The following PKHD1 variants were observed in gnomAD, a reference collection of about 807,000 sequenced individuals.
The protein encoded by PKHD1 is fibrocystin.
Under a neutral mutation model 412.0 loss-of-function variants are expected in PKHD1, and 291 were observed. The observed-to-expected ratio is 0.71, with a 90% confidence interval of 0.64 to 0.78. The LOEUF is 0.78. PKHD1 is among the 30% of genes least tolerant of loss of function. The pLI is 0.00. For missense variants in PKHD1, 4,825 were observed against 4,950.7 expected (o/e 0.97, Z 0.76); for synonymous variants, 1,777 against 1,821.5 (o/e 0.98, Z 0.62).
intron 27 of PKHD1, among the ~76,000 whole-genome samples, chr6:52,042,542 T>C (rs1338561940): frequency 6.6e-6 from 1 of 152,176 alleles, no homozygotes; most frequent in Non-Finnish European, 1.5e-5. Flanking sequence ...ACTACTCAAA[T>C]GGCAATCAGT....
intron 35 of PKHD1, among the ~76,000 whole-genome samples, chr6:51,983,464 A>G (rs147709472): frequency 3.9e-5 from 6 of 152,336 alleles, no homozygotes; most frequent in African/African-American, 1.4e-4. Context: ...TGCTTCAAAC[A>G]GACAAAACAC....
At chr6:51,701,926 T>C (rs1582163915) in intron 60 of PKHD1, among the ~76,000 whole-genome samples, 1 of 151,576 alleles carries the variant, frequency 6.6e-6, no homozygotes, top group African/African-American at 2.4e-5. Context: ...ACATTTTTAT[T>C]GATAAAATTC....
Position 52,010,455 on chromosome 6 carries a change from T to C in PKHD1, c.5605A>G (p.Lys1869Glu), listed in dbSNP as rs908490577. The change falls in exon 35 of 67, where the codon AAA (lysine) becomes GAA (glutamate). Residue 1869 changes from lysine to glutamate, a missense_variant. By Grantham distance (56) the Lys-to-Glu change is moderately conservative (BLOSUM62 1). Transcript: ENST00000371117. The stretch of plus-strand genomic sequence containing the variant: ...ATGAGAACTTCATCTCTTTCCAATT[T>C]AGGGCTGAAACGAGAGGGGAGGTTA... ...PSFSGLFISPKLERDEVLIYN... is the reference protein window; with the variant it reads ...PSFSGLFISPELERDEVLIYN... 5.7e-6 allele frequency: 9 copies of C among 1,588,184 alleles called. No homozygotes were observed. Among genetic ancestry groups the C allele is most frequent in the Non-Finnish European group, 6.9e-6 (8 of 1,156,484 alleles).
chr6:51,721,108 T>C (rs1273688350), intron 60 of PKHD1: 5 of 983,134 alleles, frequency 5.1e-6, no homozygotes, highest in Non-Finnish European at 6.0e-6. Flanking sequence ...CCTCCATCAG[T>C]GCACAAGAAT....
rs144226650 is a variant in PKHD1 at position 51,956,652 on chromosome 6, CA to C, written c.5908+3217del. Among the ~76,000 whole-genome samples the C allele has an allele frequency of 8.4e-3, 1,277 of 151,912 alleles. 3 individuals are homozygous for C. Among genetic ancestry groups the C allele is most frequent in the Non-Finnish European group, 0.012 (842 of 67,938 alleles). On this transcript the variant is annotated intron_variant, in intron 36 of 66. Transcript: ENST00000371117. ...ATAAGTACTATGAAGAAAAGTAAAG[CA>C]ACATCAAAGGATAAAGAGTCCTGGG... is the stretch of plus-strand genomic sequence containing the variant.
intron 49 of PKHD1, among the ~76,000 whole-genome samples, chr6:51,848,610 A>ACC (rs1424200269): frequency 6.6e-6 from 1 of 152,156 alleles, no homozygotes; most frequent in Non-Finnish European, 1.5e-5. Context: ...TACTGTTTTC[A>ACC]CTGCATGAAA....
chr6:51,780,583 T>C (rs1323169279), intron 53 of PKHD1, among the ~76,000 whole-genome samples: 1 of 151,908 alleles, frequency 6.6e-6, no homozygotes, highest in African/African-American at 2.4e-5. Flanking sequence ...AAATAAATAA[T>C]AAATACATTC....
At chr6:51,702,231 C>CTTATAATATATAATATATTATTT (rs1779537276) in intron 60 of PKHD1, among the ~76,000 whole-genome samples, 1 of 93,400 alleles carries the variant, frequency 1.1e-5, no homozygotes, top group African/African-American at 3.4e-5. Flanking sequence ...ATATATATGT[C>CTTATAATATATAATATATTATTT]ATGGAATACT....
Position 51,627,118 on chromosome 6 carries a change from T to C in PKHD1, c.11666-2A>G. On this transcript the variant is annotated splice_acceptor_variant, in intron 65 of 66. Transcript: ENST00000371117. LOFTEE classifies it high-confidence loss of function. ...CAGGAATCTCTTCAGGTTTTGTTTCTGTATTAATGGAGAAGAAAAAGGATT... is the reference window on the plus strand; with the variant it reads ...CAGGAATCTCTTCAGGTTTTGTTTCCGTATTAATGGAGAAGAAAAAGGATT... The C allele has an allele frequency of 6.2e-7, 1 of 1,611,190 alleles. No homozygotes were observed. The highest frequency in any genetic ancestry group is 8.5e-7 in the Non-Finnish European group (1 of 1,177,780).
chr6:51,794,375 G>A (rs949669875), intron 52 of PKHD1, among the ~76,000 whole-genome samples: 4 of 151,796 alleles, frequency 2.6e-5, no homozygotes, highest in African/African-American at 4.8e-5. Context: ...TTTTTAATGG[G>A]GTTGTTTTTT....
chr6:51,795,230 G>A (rs1013138013), intron 52 of PKHD1, among the ~76,000 whole-genome samples: 8 of 152,094 alleles, frequency 5.3e-5, no homozygotes, highest in Non-Finnish European at 7.4e-5. Context: ...TCTCCTTAAG[G>A]AGAACTGTTC....
chr6:51,906,516 C>A (rs376925612), intron 40 of PKHD1, among the ~76,000 whole-genome samples, 176 bp from the exon 41 acceptor site: 1 of 151,430 alleles, frequency 6.6e-6, no homozygotes, highest in African/African-American at 2.4e-5. Flanking sequence ...AACCAATGGG[C>A]CTCAATAATA....
intron 4 of PKHD1, 129 bp from the exon 5 acceptor site, chr6:52,080,137 A>T (rs1811837430): frequency 1.4e-6 from 1 of 699,732 alleles, no homozygotes; most frequent in Non-Finnish European, 2.6e-6. Context: ...CCCAGCAGTC[A>T]CCTTTCACCT....
At chr6:51,715,316 TCCCC>T (rs542770252) in intron 60 of PKHD1, among the ~76,000 whole-genome samples, 4,271 of 152,216 alleles carry the variant, frequency 0.028, 216 homozygotes, top group African/African-American at 0.098. Context: ...TATTCCCAAC[TCCCC>T]TCCTTCATTA....
At chr6:52,029,079 C>T (rs1333306184) in intron 29 of PKHD1, among the ~76,000 whole-genome samples, 1 of 152,168 alleles carries the variant, frequency 6.6e-6, no homozygotes, top group Non-Finnish European at 1.5e-5. Flanking sequence ...TAGCTCATAA[C>T]TGACAGAGTA....
At chr6:51,675,867 G>C (rs1444789425) in intron 60 of PKHD1, among the ~76,000 whole-genome samples, 1 of 152,170 alleles carries the variant, frequency 6.6e-6, no homozygotes, top group African/African-American at 2.4e-5. Context: ...TCTCTAAGTG[G>C]GGAAAATTAG....
At chr6:51,880,923 G>A (rs892010325) in intron 46 of PKHD1, among the ~76,000 whole-genome samples, 7 of 147,322 alleles carry the variant, frequency 4.8e-5, no homozygotes, top group Non-Finnish European at 7.5e-5. Flanking sequence ...CCAAGATCGC[G>A]CCACTGCACT....
At chr6:52,019,278 T>C (rs981590395) in intron 33 of PKHD1, among the ~76,000 whole-genome samples, 5 of 152,212 alleles carry the variant, frequency 3.3e-5, no homozygotes, top group African/African-American at 1.2e-4. Flanking sequence ...CTCATTACAG[T>C]GCTGTGGCAA....
intron 36 of PKHD1, among the ~76,000 whole-genome samples, chr6:51,938,542 T>C (rs1190798013): frequency 2.8e-5 from 3 of 109,078 alleles, no homozygotes; most frequent in African/African-American, 1.1e-4. Context: ...TTCCTTTACC[T>C]CCCCAAATCT....
Sources: allele counts gnomAD v4.1 joint callset (sites outside exome capture counted in the v4.1 genomes callset), GRCh38; gene constraint gnomAD v4.1.1; transcripts MANE v1.5; gene names NCBI Gene and HGNC (gene_info 2026-07-23, HGNC 2026-07-21).